The following SLC24A4 variants were observed in gnomAD, a reference collection of about 807,000 sequenced individuals.
SLC24A4 encodes solute carrier family 24 member 4, also known as sodium/potassium/calcium exchanger 4.
A neutral mutation model predicts 79.0 loss-of-function variants in SLC24A4; 53 were observed. The observed-to-expected ratio is 0.67, with a 90% CI of 0.54 to 0.84. The LOEUF is 0.84. Among genes scored for constraint, SLC24A4 ranks in the 40% least tolerant of loss-of-function variants. The pLI is 0.00. For synonymous variants in SLC24A4, 323 were observed against 323.8 expected, an observed-to-expected ratio of 1.00 and a Z score of 0.03; for missense variants, 731 against 822.0, an observed-to-expected ratio of 0.89 and a Z score of 1.35.
chr14:92,337,221 AGCAGG>A (rs1318547612), intron 2 of SLC24A4, among the ~76,000 whole-genome samples: 2 of 152,202 alleles, frequency 1.3e-5, no homozygotes, highest in African/African-American at 4.8e-5. Flanking sequence ...CTCCCCAATT[AGCAGG>A]CTGTGCTTGG....
chr14:92,489,390 T>C (rs775799389), intron 14 of SLC24A4, among the ~76,000 whole-genome samples: 1 of 151,774 alleles, frequency 6.6e-6, no homozygotes, highest in Admixed American at 6.6e-5. Context: ...AGTGAACCAC[T>C]GCACTCCAGC....
chr14:92,324,036 T>C (rs984657790), intron 1 of SLC24A4, 76 bp downstream of exon 1: 134 of 1,536,188 alleles, frequency 8.7e-5, no homozygotes, highest in Admixed American at 2.4e-4. Context: ...GGCTGCGAGA[T>C]GTTTTCCCCT....
At position 92,347,505 on chromosome 14, in the gene SLC24A4, CA is replaced by C. The variant is rs113799581; in HGVS notation, c.241+21529del. Among the ~76,000 whole-genome samples the C allele has an allele frequency of 9.7e-3, 1,483 of 152,332 alleles. 32 individuals carry two copies. The highest frequency in any genetic ancestry group is 0.034 in the African/African-American group (1,401 of 41,572). ...AGGAAGCTTAAACGTGTTTTATGCT[CA>C]ATTGCTTTAGATTCCCTTAAAATGT... On this transcript the variant is annotated intron_variant, in intron 2 of 16. Transcript: ENST00000532405.
intron 2 of SLC24A4, among the ~76,000 whole-genome samples, chr14:92,334,085 CG>C (rs1173575136): frequency 1.3e-5 from 2 of 152,182 alleles, no homozygotes; most frequent in Admixed American, 1.3e-4. Context: ...TCTGAACAAA[CG>C]TCTGTTGGAA....
At chr14:92,446,192 G>A (rs1361423085) in intron 8 of SLC24A4, among the ~76,000 whole-genome samples, 1 of 149,926 alleles carries the variant, frequency 6.7e-6, no homozygotes, top group Non-Finnish European at 1.5e-5. Context: ...TTTTTTTTGA[G>A]ACCCGGTCTT....
chr14:92,347,047 A>G (rs1886577180), intron 2 of SLC24A4, among the ~76,000 whole-genome samples: 1 of 152,108 alleles, frequency 6.6e-6, no homozygotes, highest in Admixed American at 6.5e-5. Context: ...ACCAAACATA[A>G]CTTTATCTTT....
intron 10 of SLC24A4, among the ~76,000 whole-genome samples, chr14:92,449,581 A>G (rs1721639925): frequency 6.6e-6 from 1 of 152,232 alleles, no homozygotes. Flanking sequence ...CACGACAGGC[A>G]GCTGAGGAGC....
chr14:92,469,514 A>G (rs1894317989), intron 12 of SLC24A4, among the ~76,000 whole-genome samples: 1 of 151,746 alleles, frequency 6.6e-6, no homozygotes, highest in Admixed American at 6.6e-5. Flanking sequence ...TCTCAAAAAA[A>G]AAAAGGTTAA....
chr14:92,400,114 C>T (rs757189955), intron 2 of SLC24A4, among the ~76,000 whole-genome samples: 5 of 152,016 alleles, frequency 3.3e-5, no homozygotes, highest in Non-Finnish European at 7.4e-5. Flanking sequence ...TGTTAATCAT[C>T]TGTAATTACA....
chr14:92,477,451 TTTGTTGTTGTTTTTG>T (rs1046652254), intron 12 of SLC24A4, among the ~76,000 whole-genome samples: 5 of 152,112 alleles, frequency 3.3e-5, no homozygotes, highest in Non-Finnish European at 7.3e-5. Flanking sequence ...TTTTCCTTTT[TTTGTTGTTGTTTTTG>T]TTGTTGTTGT....
intron 12 of SLC24A4, among the ~76,000 whole-genome samples, chr14:92,464,524 AAG>A (rs1893987828): frequency 2.0e-5 from 3 of 152,204 alleles, no homozygotes; most frequent in African/African-American, 7.2e-5. Context: ...CTTATGCTAA[AAG>A]AGGGATTTTT....
rs575985180 is a variant in SLC24A4 at position 92,498,030 on chromosome 14, C to G, written c.*4402C>G. ...GCAGTTAGCAGGAGTACGTGGGGCA[C>G]GTGAGGTGGTCCTCCTTTCAGCACA... is the stretch of plus-strand genomic sequence containing the variant. On this transcript the variant is annotated 3_prime_UTR_variant, in exon 17 of 17. Transcript: ENST00000532405. The G allele has an allele frequency of 6.6e-6, 1 of 152,356 alleles. No homozygotes were observed. Among genetic ancestry groups the G allele is most frequent in the Non-Finnish European group, 1.5e-5 (1 of 68,042 alleles). The allele number at this position is 152,356 out of a possible 1,614,324, so 9.4% of individuals were successfully genotyped here. A position where few individuals can be genotyped will look rare whatever the true frequency, so the allele number is the denominator to read the frequency against.
chr14:92,399,212 A>C (rs1206589010), intron 2 of SLC24A4, among the ~76,000 whole-genome samples: 1 of 152,154 alleles, frequency 6.6e-6, no homozygotes, highest in African/African-American at 2.4e-5. Flanking sequence ...AATTTCATGC[A>C]CACCGAGTTA....
chr14:92,389,454 G>C (rs747722632), intron 2 of SLC24A4, among the ~76,000 whole-genome samples: 1 of 152,142 alleles, frequency 6.6e-6, no homozygotes, highest in Non-Finnish European at 1.5e-5. Context: ...GATTCTCCAA[G>C]CCCTGCCTTG....
intron 12 of SLC24A4, among the ~76,000 whole-genome samples, chr14:92,474,863 A>ATATATATATT (rs36185636): frequency 0.11 from 6,322 of 56,394 alleles, 1,313 homozygotes; most frequent in Non-Finnish European, 0.17. Flanking sequence ...ATATATATAT[A>ATATATATATT]TTTTTTTTTT....
chr14:92,406,545 C>A (rs1368774457), intron 2 of SLC24A4, among the ~76,000 whole-genome samples: 2 of 152,230 alleles, frequency 1.3e-5, no homozygotes, highest in African/African-American at 2.4e-5. Flanking sequence ...CCTCTAAAAT[C>A]TAGCGGAGGC....
chr14:92,417,920 C>T (rs1342732913), intron 2 of SLC24A4, among the ~76,000 whole-genome samples: 1 of 152,200 alleles, frequency 6.6e-6, no homozygotes, highest in Non-Finnish European at 1.5e-5. Context: ...AACTGCCTAA[C>T]ACCACATTTC....
Position 92,372,426 on chromosome 14 carries a change from G to A in SLC24A4, c.241+46448G>A, listed in dbSNP as rs570023150. Among the ~76,000 whole-genome samples, 24 of 152,246 alleles carry A rather than the reference G, an allele frequency of 1.6e-4. No individual in the cohort carries two copies. The South Asian group carries it at 4.8e-3, about 30-fold the overall frequency. On this transcript the variant is annotated intron_variant, in intron 2 of 16. Transcript: ENST00000532405. ...GGCCTGAGCCTGACCCAGGAGAGAG[G>A]AGCATGCATGAGTGGTCCCTGGGCT...
chr14:92,448,965 A>G, intron 9 of SLC24A4, 109 bp from the exon 10 acceptor site: 1 of 1,327,422 alleles, frequency 7.5e-7, no homozygotes, highest in Non-Finnish European at 1.0e-6. Flanking sequence ...GCCACCCACC[A>G]CTCCTGGGCT....
Sources: allele counts gnomAD v4.1 joint callset (sites outside exome capture counted in the v4.1 genomes callset), GRCh38; gene constraint gnomAD v4.1.1; transcripts MANE v1.5; gene names NCBI Gene and HGNC (gene_info 2026-07-23, HGNC 2026-07-21).